CCNY: variants seen among roughly 807,000 people sequenced by gnomAD.
CCNY encodes cyclin-Y.
In CCNY, 19 loss-of-function variants were observed where a neutral mutation model predicts 42.8. That is an observed-to-expected ratio of 0.44 (90% CI 0.31 to 0.65). The LOEUF is 0.65. CCNY is among the 30% of genes least tolerant of loss of function. The pLI is 0.07. For missense variants in CCNY, 370 were observed against 437.3 expected (o/e 0.85, Z 1.37); for synonymous variants, 165 against 162.7 (o/e 1.01, Z -0.11).
At chr10:35,431,589 A>G (rs549822296) in intron 1 of CCNY, among the ~76,000 whole-genome samples, 1 of 151,632 alleles carries the variant, frequency 6.6e-6, no homozygotes, top group Admixed American at 6.6e-5. Context: ...CTGTCCGTCA[A>G]ATGCTTTGGA....
At chr10:35,373,134 A>T (rs565473287) in intron 1 of CCNY, among the ~76,000 whole-genome samples, 2 of 152,388 alleles carry the variant, frequency 1.3e-5, no homozygotes, top group South Asian at 4.1e-4. Flanking sequence ...GACAAGCCTG[A>T]GTCAGGCAGT....
In CCNY at chr10:35,352,425, A is replaced by G. The variant is rs16935981; in HGVS notation, c.154+15218A>G. On this transcript the variant is annotated intron_variant, in intron 1 of 9. Coordinates refer to ENST00000374704, the MANE Select transcript of CCNY (RefSeq NM_145012.6). ...ACTAGGCAAGTAGTTGGCTGAGAGAATTACCAGTGCCTGGGGTGACTAGGC... is the reference window on the plus strand; with the variant it reads ...ACTAGGCAAGTAGTTGGCTGAGAGAGTTACCAGTGCCTGGGGTGACTAGGC... Among the ~76,000 whole-genome samples, 437 of 152,328 alleles carry G rather than the reference A, an allele frequency of 2.9e-3. 8 individuals are homozygous for G. In the East Asian group the frequency reaches 0.046, roughly 16 times the overall value.
intron 1 of CCNY, among the ~76,000 whole-genome samples, chr10:35,436,373 G>A (rs992733542): frequency 3.3e-5 from 5 of 152,190 alleles, no homozygotes; most frequent in Non-Finnish European, 5.9e-5. Flanking sequence ...CTGTTTGTCA[G>A]AAGCTCTTGC....
chr10:35,316,921 C>T (rs1835766967), intron 3 of CCNY, among the ~76,000 whole-genome samples: 1 of 152,188 alleles, frequency 6.6e-6, no homozygotes, highest in Non-Finnish European at 1.5e-5. Context: ...TCTCGCCTCA[C>T]TGCAACCTCC....
intron 3 of CCNY, among the ~76,000 whole-genome samples, chr10:35,312,761 T>C (rs1835703602): frequency 6.7e-6 from 1 of 149,738 alleles, no homozygotes; most frequent in Admixed American, 6.7e-5. Context: ...TTTTTTTTTT[T>C]TTTTTTTAGA....
intron 1 of CCNY, among the ~76,000 whole-genome samples, chr10:35,371,666 G>A (rs1217207047): frequency 6.6e-6 from 1 of 152,164 alleles, no homozygotes; most frequent in Non-Finnish European, 1.5e-5. Flanking sequence ...TAGAGATGCT[G>A]TAACTGTTCC....
intron 1 of CCNY, among the ~76,000 whole-genome samples, chr10:35,435,438 C>T (rs1360914375): frequency 6.6e-6 from 1 of 152,186 alleles, no homozygotes; most frequent in Non-Finnish European, 1.5e-5. Context: ...AACAGTGTGG[C>T]CTAGTGGGTC....
Position 35,290,180 on chromosome 10 carries a change from C to T in CCNY, c.-9+39554C>T, listed in dbSNP as rs1001278494. 1.4e-4 allele frequency among the ~76,000 whole-genome samples: 21 copies of T among 150,280 alleles called. No individual in the cohort carries two copies. The East Asian group carries it at 1.6e-3, about 11-fold the overall frequency. On this transcript the variant is annotated intron_variant, in intron 3 of 11. Transcript: ENST00000374706. The stretch of plus-strand genomic sequence containing the variant: ...GGCAAAGGTTGCAGTGAGCAGAGAT[C>T]GCACCACTGCACTCCAGCCTGGGCA...
Position 35,566,227 on chromosome 10 carries a change from A to T in CCNY, c.909+42A>T, listed in dbSNP as rs1379415012. Reference sequence around the variant, plus strand: ...CAGCGTTTTGTGGTGCAGTGTTGCCAATACATCATCTGAGTACCAGAGATG... The same window carrying T: ...CAGCGTTTTGTGGTGCAGTGTTGCCTATACATCATCTGAGTACCAGAGATG... On this transcript the variant is annotated intron_variant, in intron 9 of 9. Transcript: ENST00000374704. 4 of 1,583,612 alleles carry T rather than the reference A, an allele frequency of 2.5e-6. No homozygotes were observed. The South Asian group carries it at 4.7e-5, about 18-fold the overall frequency.
At position 35,443,533 on chromosome 10, in the gene CCNY, C is replaced by T. The variant is rs180925974; in HGVS notation, c.155-39871C>T. On this transcript the variant is annotated intron_variant, in intron 1 of 9. Transcript: ENST00000374704. ...TCAATATCACTGTCTTCCACCAGCA[C>T]CTCTGTCCCACTCTGTAGAAAATGA... 3.5e-3 allele frequency among the ~76,000 whole-genome samples: 538 copies of T among 152,294 alleles called. 3 individuals carry two copies. Among genetic ancestry groups the T allele is most frequent in the African/African-American group, 0.013 (521 of 41,550 alleles).
intron 1 of CCNY, among the ~76,000 whole-genome samples, chr10:35,431,094 T>C (rs111421905): frequency 0.079 from 11,807 of 149,912 alleles, 838 homozygotes; most frequent in African/African-American, 0.19. Context: ...TCCAGGCTGG[T>C]GACAGAATGA....
At chr10:35,457,026 G>GC (rs1426899339) in intron 1 of CCNY, among the ~76,000 whole-genome samples, 2 of 152,214 alleles carry the variant, frequency 1.3e-5, no homozygotes, top group Non-Finnish European at 2.9e-5. Context: ...CTCTGAAAAT[G>GC]CGGGGGGGAA....
intron 1 of CCNY, among the ~76,000 whole-genome samples, chr10:35,405,483 G>A (rs545978820): frequency 1.3e-5 from 2 of 152,194 alleles, no homozygotes; most frequent in South Asian, 2.1e-4. Context: ...TAAAAGTCTC[G>A]ACCTAATAAG....
At chr10:35,331,954 T>C (rs1461176923), upstream of CCNY, among the ~76,000 whole-genome samples, 5 of 152,192 alleles carry the variant, frequency 3.3e-5, no homozygotes, top group South Asian at 1.0e-3. Context: ...GAAACTATAA[T>C]CCACTTTCGT....
At chr10:35,285,170 C>A (rs1405564322) in intron 3 of CCNY, among the ~76,000 whole-genome samples, 1 of 152,004 alleles carries the variant, frequency 6.6e-6, no homozygotes, top group Non-Finnish European at 1.5e-5. Context: ...GTGCACACCA[C>A]CTGTAATTAC....
intron 1 of CCNY, among the ~76,000 whole-genome samples, chr10:35,397,357 T>C (rs1254676193): frequency 6.6e-6 from 1 of 152,236 alleles, no homozygotes; most frequent in Non-Finnish European, 1.5e-5. Context: ...TTTATAATTA[T>C]TCAGCAGCAA....
At chr10:35,476,540 G>C (rs1007142004) in intron 1 of CCNY, among the ~76,000 whole-genome samples, 1 of 151,836 alleles carries the variant, frequency 6.6e-6, no homozygotes, top group Non-Finnish European at 1.5e-5. Context: ...TGACTACTGG[G>C]TACATAACGA....
At chr10:35,537,921 G>A (rs1840918586) in intron 7 of CCNY, among the ~76,000 whole-genome samples, 1 of 152,078 alleles carries the variant, frequency 6.6e-6, no homozygotes. Context: ...GAATGATACG[G>A]TTTGGCTGTG....
chr10:35,570,889 A>T lies in CCNY; in HGVS notation c.*1719A>T, dbSNP rs999938408. The stretch of plus-strand genomic sequence containing the variant: ...CTGTTTGGGCCAGAATTATTATCAC[A>T]GCCTTTCTGACCCAAACTTTCAAAA... On this transcript the variant is annotated 3_prime_UTR_variant, in exon 10 of 10. Transcript: ENST00000374704. The T allele has an allele frequency of 2.6e-5, 4 of 152,352 alleles. No homozygotes were observed. The highest frequency in any genetic ancestry group is 4.4e-5 in the Non-Finnish European group (3 of 68,046). The allele number at this position is 152,352 out of a possible 1,614,324, so 9.4% of individuals were successfully genotyped here.
Sources: gnomAD v4.1 joint callset for allele counts (sites outside exome capture counted in the v4.1 genomes callset) on GRCh38, gnomAD v4.1.1 for gene constraint, MANE v1.5 for transcripts, NCBI Gene and HGNC (gene_info 2026-07-23, HGNC 2026-07-21) for gene names.